Variants in DLGAP2 observed in about 807,000 individuals in gnomAD.
DLGAP2 encodes DLG associated protein 2, also known as disks large-associated protein 2.
Under a neutral mutation model 100.3 loss-of-function variants are expected in DLGAP2, and 26 were observed. The ratio of observed to expected loss-of-function variants is 0.26; its 90% CI spans 0.19 to 0.36. The LOEUF is 0.36. Ranked by LOEUF, DLGAP2 falls within the 10% of genes least tolerant of loss-of-function variation. The pLI, the probability that DLGAP2 is intolerant of heterozygous loss-of-function variation, is 1.00. For synonymous variants in DLGAP2, 886 were observed against 630.1 expected, an observed-to-expected ratio of 1.41 and a Z score of -6.08; for missense variants, 1,858 against 1,453.2, an observed-to-expected ratio of 1.28 and a Z score of -4.53.
In DLGAP2 at chr8:1,633,432, C is replaced by T. The variant is rs114885190; in HGVS notation, c.1810+386C>T. On this transcript the variant is annotated intron_variant, in intron 8 of 14. Coordinates refer to ENST00000637795, the MANE Select transcript of DLGAP2 (RefSeq NM_001346810.2). ...TGACTCTCAGGCTGCCCTGTAGTGA[C>T]GTCCAGCCGGTCTCTTGCTCAGTAA... Among the ~76,000 whole-genome samples the T allele has an allele frequency of 3.9e-3, 594 of 152,244 alleles. 3 individuals are homozygous for T. The highest frequency in any genetic ancestry group is 0.014 in the African/African-American group (569 of 41,522).
At chr8:1,591,562 C>G (rs1796291684) in intron 6 of DLGAP2, among the ~76,000 whole-genome samples, 1 of 147,560 alleles carries the variant, frequency 6.8e-6, no homozygotes, top group African/African-American at 2.5e-5. Context: ...ACTGTTCACC[C>G]CTGCAGCCTA....
intron 2 of DLGAP2, among the ~76,000 whole-genome samples, chr8:1,024,577 G>A (rs73176537): frequency 0.08 from 12,138 of 152,138 alleles, 577 homozygotes; most frequent in Middle Eastern, 0.12. Flanking sequence ...CTGTGGTGGG[G>A]GTGCCTCCTT....
intron 4 of DLGAP2, among the ~76,000 whole-genome samples, chr8:1,506,518 G>A (rs1212985599): frequency 6.6e-6 from 1 of 152,160 alleles, no homozygotes; most frequent in Non-Finnish European, 1.5e-5. Flanking sequence ...GCTCATAAAA[G>A]GAGTGCGGAC....
chr8:1,595,355 C>A (rs970808755), intron 6 of DLGAP2, among the ~76,000 whole-genome samples: 7 of 152,096 alleles, frequency 4.6e-5, no homozygotes, highest in Non-Finnish European at 1.0e-4. Flanking sequence ...AAAAATCCTC[C>A]CAAATACTGA....
At chr8:1,455,305 C>A (rs1265956250) in intron 3 of DLGAP2, among the ~76,000 whole-genome samples, 1 of 152,242 alleles carries the variant, frequency 6.6e-6, no homozygotes, top group East Asian at 1.9e-4. Context: ...CAGGGCCCCT[C>A]TGGAGCTGCC....
chr8:1,508,677 G>A (rs1431548495), intron 4 of DLGAP2, among the ~76,000 whole-genome samples: 2 of 149,602 alleles, frequency 1.3e-5, no homozygotes, highest in Non-Finnish European at 3.0e-5. Flanking sequence ...CGTGGCGGGG[G>A]AGTTGGAAGG....
At chr8:1,362,792 G>C (rs1357010448) in intron 3 of DLGAP2, among the ~76,000 whole-genome samples, 1 of 152,230 alleles carries the variant, frequency 6.6e-6, no homozygotes, top group African/African-American at 2.4e-5. Flanking sequence ...CATGCATTTG[G>C]GATTAGGAGG....
chr8:1,203,126 G>T (rs562802487), intron 2 of DLGAP2, among the ~76,000 whole-genome samples: 1 of 152,062 alleles, frequency 6.6e-6, no homozygotes, highest in Non-Finnish European at 1.5e-5. Flanking sequence ...TTGTTAGTTC[G>T]TTTGTTTGTT....
intron 1 of DLGAP2, among the ~76,000 whole-genome samples, chr8:783,930 T>C (rs1821768576): frequency 6.6e-6 from 1 of 152,258 alleles, no homozygotes; most frequent in Non-Finnish European, 1.5e-5. Flanking sequence ...CGTTATCGGC[T>C]AATTCTTAGG....
At chr8:1,640,706 C>T (rs1230203250) in intron 8 of DLGAP2, among the ~76,000 whole-genome samples, 1 of 152,122 alleles carries the variant, frequency 6.6e-6, no homozygotes, top group Non-Finnish European at 1.5e-5. Flanking sequence ...CCATTACGGG[C>T]CTGAGCACAG....
intron 3 of DLGAP2, among the ~76,000 whole-genome samples, chr8:1,276,310 T>G (rs1799694992): frequency 6.6e-6 from 1 of 151,848 alleles, no homozygotes; most frequent in South Asian, 2.1e-4. Flanking sequence ...AAGTGATACT[T>G]CAACATTAGT....
intron 8 of DLGAP2, among the ~76,000 whole-genome samples, chr8:1,662,109 G>A (rs777717662): frequency 8.5e-5 from 13 of 152,212 alleles, no homozygotes; most frequent in Non-Finnish European, 1.5e-4. Context: ...CTGATGCTTT[G>A]GAAATCAGTG....
intron 2 of DLGAP2, among the ~76,000 whole-genome samples, chr8:1,158,372 T>A (rs1796831542): frequency 6.6e-6 from 1 of 152,252 alleles, no homozygotes; most frequent in Non-Finnish European, 1.5e-5. Flanking sequence ...TCTAATTCCC[T>A]CAGTAGACAG....
intron 1 of DLGAP2, among the ~76,000 whole-genome samples, chr8:766,777 A>G (rs1179242734): frequency 6.6e-6 from 1 of 152,210 alleles, no homozygotes; most frequent in Non-Finnish European, 1.5e-5. Flanking sequence ...CAGACAGTTT[A>G]GCAGATGCAG....
At chr8:863,544 A>G (rs1797432636) in intron 1 of DLGAP2, among the ~76,000 whole-genome samples, 1 of 152,210 alleles carries the variant, frequency 6.6e-6, no homozygotes, top group Non-Finnish European at 1.5e-5. Flanking sequence ...ATGCTTTGCT[A>G]GTATTTTCTC....
intron 5 of DLGAP2, among the ~76,000 whole-genome samples, chr8:1,550,287 G>A (rs545913044): frequency 3.3e-5 from 5 of 152,298 alleles, no homozygotes; most frequent in Non-Finnish European, 5.9e-5. Flanking sequence ...TTGACGGCAC[G>A]CTATGGCTTT....
intron 2 of DLGAP2, among the ~76,000 whole-genome samples, chr8:1,198,122 G>A (rs35768061): frequency 0.1 from 15,450 of 152,108 alleles, 916 homozygotes; most frequent in Admixed American, 0.17. Flanking sequence ...GTGTGCGTGT[G>A]TGCGTGTGGG....
chr8:1,294,868 C>G (rs1424748660), intron 3 of DLGAP2, among the ~76,000 whole-genome samples: 5 of 130,216 alleles, frequency 3.8e-5, no homozygotes, highest in Non-Finnish European at 8.3e-5. Context: ...GATCTTGTCT[C>G]AAAACAAAAA....
Position 1,491,397 on chromosome 8 carries a change from T to C in DLGAP2, c.107-9969T>C, listed in dbSNP as rs5022249. ...AGGCTTCGGGCTGCTCCCCCTGACC[T>C]CGGAGGCTTCCGGCTGCTCCCCCTG... On this transcript the variant is annotated intron_variant, in intron 3 of 14. Coordinates refer to ENST00000637795, the MANE Select transcript of DLGAP2 (RefSeq NM_001346810.2). Among the ~76,000 whole-genome samples, 515 of 148,936 alleles carry C rather than the reference T, an allele frequency of 3.5e-3. 8 individuals are homozygous for C. The highest frequency in any genetic ancestry group is 7.8e-3 in the African/African-American group (315 of 40,346).
Sources: allele counts gnomAD v4.1 joint callset (sites outside exome capture counted in the v4.1 genomes callset), GRCh38; gene constraint gnomAD v4.1.1; transcripts MANE v1.5; gene names NCBI Gene and HGNC (gene_info 2026-07-23, HGNC 2026-07-21).